The following ITPK1 variants were observed in gnomAD, a reference collection of about 807,000 sequenced individuals.
ITPK1 encodes the protein inositol 1,3,4-trisphosphate 5/6-kinase.
A neutral mutation model predicts 45.3 loss-of-function variants in ITPK1; 21 were observed. The ratio of observed to expected loss-of-function variants is 0.46; its 90% CI spans 0.33 to 0.67. ITPK1 has a LOEUF of 0.67. ITPK1 is among the 30% of genes least tolerant of loss of function. The probability of loss-of-function intolerance (pLI) is 0.02; values close to 1 mark genes in which losing one functional copy is unlikely to be tolerated. For synonymous variants in ITPK1, 258 were observed against 253.6 expected, an observed-to-expected ratio of 1.02 and a Z score of -0.16; for missense variants, 474 against 573.5, an observed-to-expected ratio of 0.83 and a Z score of 1.77.
At chr14:93,093,386 G>A (rs1234784712) in intron 2 of ITPK1, among the ~76,000 whole-genome samples, 5 of 152,146 alleles carry the variant, frequency 3.3e-5, no homozygotes, top group Non-Finnish European at 7.4e-5. Context: ...CCCTGGCGTG[G>A]GGTGATGTAG....
intron 2 of ITPK1, among the ~76,000 whole-genome samples, chr14:93,103,670 G>A (rs1230706299): frequency 6.6e-6 from 1 of 152,182 alleles, no homozygotes; most frequent in Non-Finnish European, 1.5e-5. Flanking sequence ...TGAATGGGGT[G>A]TTTTTTAAAA....
At chr14:93,041,324 C>A (rs558508595) in intron 3 of ITPK1, among the ~76,000 whole-genome samples, 3 of 152,228 alleles carry the variant, frequency 2.0e-5, no homozygotes, top group Non-Finnish European at 4.4e-5. Context: ...CTCCTCCCTG[C>A]GGCCAGAAGT....
chr14:93,094,902 C>T (rs918841500), intron 2 of ITPK1, among the ~76,000 whole-genome samples: 9 of 152,250 alleles, frequency 5.9e-5, no homozygotes, highest in Non-Finnish European at 1.2e-4. Flanking sequence ...CACAGCGTCA[C>T]GCCTTGGCAC....
chr14:93,025,735 T>C (rs1166848163), intron 3 of ITPK1, among the ~76,000 whole-genome samples: 1 of 152,248 alleles, frequency 6.6e-6, no homozygotes, highest in East Asian at 1.9e-4. Context: ...AATTGCTTCA[T>C]GATAAGCTTA....
At chr14:93,015,312 G>A (rs1888121420) in intron 4 of ITPK1, among the ~76,000 whole-genome samples, 1 of 152,208 alleles carries the variant, frequency 6.6e-6, no homozygotes, top group Non-Finnish European at 1.5e-5. Flanking sequence ...ACTGAGGGCT[G>A]TGGGGATCAA....
intron 5 of ITPK1, among the ~76,000 whole-genome samples, chr14:92,989,353 A>G (rs2139800187): frequency 6.6e-6 from 1 of 152,132 alleles, no homozygotes; most frequent in East Asian, 1.9e-4. Context: ...GAAGAACAGG[A>G]GAGCCACCCA....
chr14:93,050,380 C>A (rs1010544009), intron 3 of ITPK1, among the ~76,000 whole-genome samples: 3 of 152,252 alleles, frequency 2.0e-5, no homozygotes, highest in East Asian at 3.9e-4. Flanking sequence ...TCTAGGGAGG[C>A]CCTGCTGCCA....
chr14:93,029,761 C>T (rs1787629089), intron 3 of ITPK1, among the ~76,000 whole-genome samples: 1 of 152,222 alleles, frequency 6.6e-6, no homozygotes, highest in African/African-American at 2.4e-5. Context: ...ATCTTGCAGG[C>T]CCCTTCCTCT....
chr14:93,019,497 A>ATT (rs1888359738), intron 3 of ITPK1, among the ~76,000 whole-genome samples: 1 of 152,184 alleles, frequency 6.6e-6, no homozygotes, highest in Non-Finnish European at 1.5e-5. Context: ...CATGCCAGTA[A>ATT]AACCCTTCTG....
At position 93,063,131 on chromosome 14, in the gene ITPK1, G is replaced by C. The variant is rs1890602628; in HGVS notation, c.120+13464C>G. Among the ~76,000 whole-genome samples, 1 of 152,078 alleles carries C rather than the reference G, an allele frequency of 6.6e-6. No individual in the cohort carries two copies. Among genetic ancestry groups the C allele is most frequent in the South Asian group, 2.1e-4 (1 of 4,822 alleles). On this transcript the variant is annotated intron_variant, in intron 3 of 10. Transcript: ENST00000267615. The surrounding 1 kb of genome is among the most constrained non-coding windows in gnomAD (Gnocchi z 4.3). ...GCCCCACTCCTTGGCCATTAGCTCAGTCCCAAAGGCATCCTTGCCCATCCC... is the reference window on the plus strand; with the variant it reads ...GCCCCACTCCTTGGCCATTAGCTCACTCCCAAAGGCATCCTTGCCCATCCC...
rs112235154 is a variant in ITPK1 at position 93,076,571 on chromosome 14, C to A, written c.120+24G>T. On this transcript the variant is annotated intron_variant, in intron 3 of 10. Transcript: ENST00000267615. The surrounding 1 kb of genome is among the most constrained non-coding windows in gnomAD (Gnocchi z 4.3). ...CCAAGGGCCCCACTACCCAAAGAAC[C>A]ACGGGGACGCGGTCTGTACTCACCT... is the stretch of plus-strand genomic sequence containing the variant. 14 of 1,614,034 alleles carry A rather than the reference C, an allele frequency of 8.7e-6. No individual in the cohort carries two copies. Among genetic ancestry groups the A allele is most frequent in the African/African-American group, 6.7e-5 (5 of 75,024 alleles).
At chr14:92,996,843 C>T (rs1011078999) in intron 4 of ITPK1, among the ~76,000 whole-genome samples, 3 of 152,170 alleles carry the variant, frequency 2.0e-5, no homozygotes, top group Non-Finnish European at 2.9e-5. Flanking sequence ...CCCAGGCGCC[C>T]GATGTCGTCA....
At chr14:93,113,490 C>A (rs1027516023) in intron 2 of ITPK1, among the ~76,000 whole-genome samples, 1 of 152,192 alleles carries the variant, frequency 6.6e-6, no homozygotes, top group African/African-American at 2.4e-5. Flanking sequence ...GCTGGGATTT[C>A]CCAAGTCTTA....
intron 9 of ITPK1, among the ~76,000 whole-genome samples, chr14:92,949,908 C>T (rs1389074598): frequency 1.3e-5 from 2 of 152,146 alleles, no homozygotes; most frequent in Non-Finnish European, 2.9e-5. Context: ...ACTGGGAAGG[C>T]GTTCATGGGT....
intron 3 of ITPK1, among the ~76,000 whole-genome samples, chr14:93,055,262 G>A (rs2139937289): frequency 6.6e-6 from 1 of 152,274 alleles, no homozygotes; most frequent in Admixed American, 6.5e-5. Flanking sequence ...TGCTGCTGCT[G>A]GGAACATTCA....
chr14:92,962,467 G>A (rs996590883), intron 6 of ITPK1, 72 bp from the exon 7 acceptor site: 4 of 1,014,366 alleles, frequency 3.9e-6, no homozygotes, highest in East Asian at 2.4e-5. Context: ...TACTTGGCAC[G>A]TCTAGAAAGG....
intron 5 of ITPK1, among the ~76,000 whole-genome samples, chr14:92,972,662 G>A (rs918361063): frequency 6.6e-6 from 1 of 152,198 alleles, no homozygotes; most frequent in Non-Finnish European, 1.5e-5. Context: ...CGTGATCTCA[G>A]CTCACTGCAA....
chr14:93,083,858 C>T (rs761810615), intron 2 of ITPK1, among the ~76,000 whole-genome samples: 1 of 152,178 alleles, frequency 6.6e-6, no homozygotes, highest in African/African-American at 2.4e-5. Flanking sequence ...GGCCCCACTG[C>T]CCCAAGCTGC....
chr14:93,000,705 G>A (rs539266384), intron 4 of ITPK1, among the ~76,000 whole-genome samples: 8 of 152,312 alleles, frequency 5.3e-5, no homozygotes, highest in Admixed American at 2.6e-4. Context: ...TGTGGCTCGC[G>A]GTGGCTTGCG....
Sources: allele counts gnomAD v4.1 joint callset (sites outside exome capture counted in the v4.1 genomes callset), GRCh38; gene constraint gnomAD v4.1.1; non-coding constraint Gnocchi (gnomAD v3.1); transcripts MANE v1.5; gene names NCBI Gene and HGNC (gene_info 2026-07-23, HGNC 2026-07-21).